The following SLC4A8 variants were observed in gnomAD, a reference collection of about 807,000 sequenced individuals.
SLC4A8 encodes the protein solute carrier family 4 member 8, also known as electroneutral sodium bicarbonate exchanger 1.
In SLC4A8, 40 loss-of-function variants were observed where a neutral mutation model predicts 125.0. The ratio of observed to expected loss-of-function variants is 0.32; its 90% CI spans 0.25 to 0.42. SLC4A8 has a LOEUF of 0.42. Among genes scored for constraint, SLC4A8 ranks in the 10% least tolerant of loss-of-function variants. SLC4A8 has a pLI of 1.00. For missense variants in SLC4A8, 863 were observed against 1,355.1 expected (o/e 0.64, Z 5.70); for synonymous variants, 456 against 476.0 (o/e 0.96, Z 0.55).
At chr12:51,476,206 G>T (rs1453553251) in intron 16 of SLC4A8, among the ~76,000 whole-genome samples, 1 of 152,210 alleles carries the variant, frequency 6.6e-6, no homozygotes, top group Non-Finnish European at 1.5e-5. Flanking sequence ...CTCATGCTGG[G>T]CGTGGTGGCT....
At chr12:51,425,058 T>G in intron 1 of SLC4A8, 23 bp downstream of exon 1, 1 of 1,545,212 alleles carries the variant, frequency 6.5e-7, no homozygotes, top group Non-Finnish European at 8.7e-7. Context: ...CTCCCGCGCC[T>G]CCCGCTCCTC....
intron 1 of SLC4A8, among the ~76,000 whole-genome samples, chr12:51,400,871 T>C (rs532123559): frequency 1.4e-5 from 2 of 143,074 alleles, no homozygotes; most frequent in South Asian, 2.2e-4. Flanking sequence ...AACATATATA[T>C]GTATATACAT....
At chr12:51,431,773 C>T (rs1949192019) in intron 1 of SLC4A8, among the ~76,000 whole-genome samples, 1 of 152,084 alleles carries the variant, frequency 6.6e-6, no homozygotes, top group African/African-American at 2.4e-5. Context: ...AGATGAAGAA[C>T]TATTGGAGGT....
At position 51,512,811 on chromosome 12, in the gene SLC4A8, CT is replaced by C. The variant is rs1351725541; in HGVS notation, c.*5374del. 3 of 152,248 alleles carry C rather than the reference CT, an allele frequency of 2.0e-5. No individual in the cohort carries two copies. Among genetic ancestry groups the C allele is most frequent in the African/African-American group, 7.2e-5 (3 of 41,544 alleles). The allele number at this position is 152,248 out of a possible 1,614,324, so 9.4% of individuals were successfully genotyped here. A position where few individuals can be genotyped will look rare whatever the true frequency, so the allele number is the denominator to read the frequency against. ...TAGGGGGTTCCCATCTCAGACTTCT[CT>C]GATAAGAGTAATTTGAGAACAAATA... On this transcript the variant is annotated 3_prime_UTR_variant, in exon 25 of 25. Transcript: ENST00000453097.
At chr12:51,477,429 G>A (rs1249150888) in intron 16 of SLC4A8, among the ~76,000 whole-genome samples, 1 of 152,070 alleles carries the variant, frequency 6.6e-6, no homozygotes, top group African/African-American at 2.4e-5. Flanking sequence ...AGATTTCAAG[G>A]CATAAAAAGG....
At chr12:51,431,374 G>A (rs1248089050) in intron 1 of SLC4A8, among the ~76,000 whole-genome samples, 3 of 152,208 alleles carry the variant, frequency 2.0e-5, no homozygotes, top group Non-Finnish European at 4.4e-5. Context: ...CTAGGGATTA[G>A]GATGTGCATC....
chr12:51,437,067 T>C (rs1949445424), intron 1 of SLC4A8, among the ~76,000 whole-genome samples: 1 of 152,260 alleles, frequency 6.6e-6, no homozygotes, highest in African/African-American at 2.4e-5. Context: ...AGTAATAATA[T>C]ATAATTTTAA....
rs1938297545 is a variant in SLC4A8 at position 51,509,794 on chromosome 12, C to G, written c.*2356C>G. 6.6e-6 allele frequency: 1 copy of G among 152,202 alleles called. No homozygotes were observed. Among genetic ancestry groups the G allele is most frequent in the Admixed American group, 6.5e-5 (1 of 15,282 alleles). The allele number at this position is 152,202 out of a possible 1,614,324, so 9.4% of individuals were successfully genotyped here. Reference sequence around the variant, plus strand: ...AGGGTACTTCTCGAGCTAGACCCTCCTGGATCACTGCGCCTTAGGAATGTT... The same window carrying G: ...AGGGTACTTCTCGAGCTAGACCCTCGTGGATCACTGCGCCTTAGGAATGTT... On this transcript the variant is annotated 3_prime_UTR_variant, in exon 25 of 25. Coordinates refer to ENST00000453097, the MANE Select transcript of SLC4A8 (RefSeq NM_001039960.3).
rs138592368 is a variant in SLC4A8 at position 51,449,161 on chromosome 12, G to A, written c.131-1715G>A. On this transcript the variant is annotated intron_variant, in intron 2 of 24. Coordinates refer to ENST00000453097, the MANE Select transcript of SLC4A8 (RefSeq NM_001039960.3). ...TCAGGAAAAACTGAAGTGAGGGCTG[G>A]GTGCAGTGATTCACACCTGTAATCC... Among the ~76,000 whole-genome samples the A allele has an allele frequency of 3.8e-3, 578 of 152,236 alleles. 7 individuals carry two copies. The highest frequency in any genetic ancestry group is 0.017 in the South Asian group (84 of 4,826).
intron 15 of SLC4A8, 74 bp downstream of exon 15, chr12:51,474,521 G>T: frequency 7.1e-6 from 11 of 1,542,638 alleles, no homozygotes; most frequent in Non-Finnish European, 9.7e-6. Context: ...TGAAGGGGAG[G>T]AGTAGCCCTT....
At chr12:51,399,991 A>G (rs867156981) in intron 1 of SLC4A8, among the ~76,000 whole-genome samples, 1 of 151,966 alleles carries the variant, frequency 6.6e-6, no homozygotes, top group African/African-American at 2.4e-5. Flanking sequence ...AAAAAAAAAA[A>G]AAAAAAAAAC....
intron 14 of SLC4A8, 21 bp downstream of exon 14, chr12:51,471,553 T>C: frequency 6.2e-7 from 1 of 1,605,712 alleles, no homozygotes; most frequent in Non-Finnish European, 8.5e-7. Context: ...TTTCTGCTTA[T>C]TTTTAAAAAT....
chr12:51,429,564 G>A (rs868743852), intron 1 of SLC4A8, among the ~76,000 whole-genome samples: 1 of 152,068 alleles, frequency 6.6e-6, no homozygotes, highest in Non-Finnish European at 1.5e-5. Flanking sequence ...GTGCAGTGGT[G>A]TGATCTCAGC....
chr12:51,463,519 G>T (rs1950416044), intron 10 of SLC4A8, 95 bp from the exon 11 acceptor site: 7 of 788,604 alleles, frequency 8.9e-6, no homozygotes, highest in Non-Finnish European at 1.5e-5. Flanking sequence ...GGGCATTTTT[G>T]GTTGCTTTTG....
Position 51,512,431 on chromosome 12 carries a change from C to A in SLC4A8, c.*4993C>A, listed in dbSNP as rs1304958016. 6.6e-6 allele frequency: 1 copy of A among 152,154 alleles called. No homozygotes were observed. Among genetic ancestry groups the A allele is most frequent in the East Asian group, 1.9e-4 (1 of 5,206 alleles). 9.4% of individuals were successfully genotyped at this position (152,154 alleles called of 1,614,324 possible). On this transcript the variant is annotated 3_prime_UTR_variant, in exon 25 of 25. Transcript: ENST00000453097. ...TTTAGGCCATTAAATTTTTCTCAAA[C>A]AATAGCCAGCCTCATTTCTGCTTCA...
intron 4 of SLC4A8, among the ~76,000 whole-genome samples, chr12:51,452,556 A>G (rs1304510602): frequency 6.6e-6 from 1 of 152,142 alleles, no homozygotes; most frequent in South Asian, 2.1e-4. Context: ...TCTTGGTATT[A>G]TTATAGGTCT....
chr12:51,462,030 C>T, intron 9 of SLC4A8: 6 of 287,344 alleles, frequency 2.1e-5, no homozygotes, highest in Non-Finnish European at 3.2e-5. Context: ...TCCTTCCATC[C>T]TTTGTGGAGA....
intron 2 of SLC4A8, chr12:51,441,007 T>G (rs534029431): frequency 9.0e-7 from 1 of 1,106,512 alleles, no homozygotes; most frequent in East Asian, 3.6e-5. Context: ...ATTGCCTACA[T>G]GGGAGATAGT....
chr12:51,406,654 T>C (rs1948494462), intron 1 of SLC4A8, among the ~76,000 whole-genome samples: 1 of 152,212 alleles, frequency 6.6e-6, no homozygotes, highest in African/African-American at 2.4e-5. Flanking sequence ...TGTGTGACGT[T>C]GGTGGCCCCC....
Sources: gnomAD v4.1 joint callset for allele counts (sites outside exome capture counted in the v4.1 genomes callset) on GRCh38, gnomAD v4.1.1 for gene constraint, MANE v1.5 for transcripts, NCBI Gene and HGNC (gene_info 2026-07-23, HGNC 2026-07-21) for gene names.